CCDC138: variants seen among roughly 807,000 people sequenced by gnomAD.
The protein encoded by CCDC138 is coiled-coil domain containing 138.
Under a neutral mutation model 82.3 loss-of-function variants are expected in CCDC138, and 66 were observed. The observed-to-expected ratio is 0.80, with a 90% CI of 0.66 to 0.98. The LOEUF (loss-of-function observed/expected upper bound fraction) is 0.98. CCDC138 is among the 50% of genes least tolerant of loss of function. CCDC138 has a pLI of 0.00. For missense variants in CCDC138, 816 were observed against 758.9 expected (o/e 1.08, Z -0.88); for synonymous variants, 297 against 265.4 (o/e 1.12, Z -1.16).
In CCDC138 at chr2:108,876,377, ATTT is replaced by A; in HGVS notation, c.*129_*131del. ...CATCATTTATCATGAAAAATAAATA[ATTT>A]TTTTGAACTGTAAAAATGAAATCTG... On this transcript the variant is annotated 3_prime_UTR_variant, in exon 15 of 15. Coordinates refer to ENST00000295124, the MANE Select transcript of CCDC138 (RefSeq NM_144978.3). The A allele has an allele frequency of 1.8e-6, 1 of 565,178 alleles. No individual in the cohort carries two copies. The highest frequency in any genetic ancestry group is 2.9e-6 in the Non-Finnish European group (1 of 339,274). 35.0% of individuals were successfully genotyped at this position (565,178 alleles called of 1,614,324 possible). A position where few individuals can be genotyped will look rare whatever the true frequency, so the allele number is the denominator to read the frequency against.
rs13399162 is a variant in CCDC138 at position 108,865,441 on chromosome 2, A to G, written c.1694-8010A>G. On this transcript the variant is annotated intron_variant, in intron 13 of 14. Coordinates refer to ENST00000295124, the MANE Select transcript of CCDC138 (RefSeq NM_144978.3). ...CATCTCTTTGTCTTTTGGGGAAAAT[A>G]TTTCCTTGTTTCTTCTTTTTCCTTG... Among the ~76,000 whole-genome samples, 444 of 152,182 alleles carry G rather than the reference A, an allele frequency of 2.9e-3. 3 individuals are homozygous for G. Among genetic ancestry groups the G allele is most frequent in the African/African-American group, 0.01 (433 of 41,518 alleles).
At chr2:108,844,061 T>G (rs1017071985) in intron 11 of CCDC138, among the ~76,000 whole-genome samples, 1 of 151,452 alleles carries the variant, frequency 6.6e-6, no homozygotes, top group Non-Finnish European at 1.5e-5. Flanking sequence ...AGGGTCTCCC[T>G]ATGTTGCCCA....
intron 13 of CCDC138, among the ~76,000 whole-genome samples, chr2:108,872,651 GAGGAC>G (rs1211014368): frequency 6.6e-6 from 1 of 152,100 alleles, no homozygotes; most frequent in East Asian, 1.9e-4. Flanking sequence ...TCACCTGGCA[GAGGAC>G]AAGAGGGCAA....
At chr2:108,856,669 C>A in intron 12 of CCDC138, 125 bp from the exon 13 acceptor site, 1 of 830,070 alleles carries the variant, frequency 1.2e-6, no homozygotes, top group Admixed American at 2.6e-5. Flanking sequence ...AGACTGTGAT[C>A]TCTTATTTAA....
Position 108,786,935 on chromosome 2 carries a change from T to A in CCDC138, c.93+20T>A, listed in dbSNP as rs375533252. 2.7e-6 allele frequency: 4 copies of A among 1,486,978 alleles called. No homozygotes were observed. The highest frequency in any genetic ancestry group is 3.6e-6 in the Non-Finnish European group (4 of 1,114,946). 92.1% of individuals were successfully genotyped at this position (1,486,978 alleles called of 1,614,324 possible). On this transcript the variant is annotated intron_variant, in intron 1 of 14. Coordinates refer to ENST00000295124, the MANE Select transcript of CCDC138 (RefSeq NM_144978.3). ...GACGAGGTGAAGCCGCCGCCTGAGGTCCGCGGGTGGGCTCCTGCTGCTGGG... is the reference window on the plus strand; with the variant it reads ...GACGAGGTGAAGCCGCCGCCTGAGGACCGCGGGTGGGCTCCTGCTGCTGGG...
intron 10 of CCDC138, among the ~76,000 whole-genome samples, chr2:108,833,306 A>T (rs1688007240): frequency 6.6e-6 from 1 of 152,234 alleles, no homozygotes; most frequent in African/African-American, 2.4e-5. Context: ...ACTGGTAAAG[A>T]TGTTAATAAT....
At chr2:108,855,574 A>G (rs1282391867) in intron 12 of CCDC138, among the ~76,000 whole-genome samples, 2 of 152,140 alleles carry the variant, frequency 1.3e-5, no homozygotes, top group Non-Finnish European at 2.9e-5. Context: ...ATACACATTT[A>G]TTTACAATGT....
chr2:108,865,799 C>T (rs920294026), intron 13 of CCDC138, among the ~76,000 whole-genome samples: 4 of 152,188 alleles, frequency 2.6e-5, no homozygotes, highest in African/African-American at 7.2e-5. Context: ...CTGCTTACTC[C>T]GTGATGAGCC....
chr2:108,880,828 T>G (rs1456211213), downstream of CCDC138, among the ~76,000 whole-genome samples: 1 of 152,200 alleles, frequency 6.6e-6, no homozygotes, highest in African/African-American at 2.4e-5. Flanking sequence ...CATGGACATG[T>G]ACAAGATTAA....
At chr2:108,873,281 A>G in intron 13 of CCDC138, 170 bp from the exon 14 acceptor site, 1 of 221,850 alleles carries the variant, frequency 4.5e-6, no homozygotes, top group Non-Finnish European at 6.7e-6. Context: ...GAGCCAGTGG[A>G]TGTTTTAATT....
chr2:108,864,352 A>G (rs1694081615), intron 13 of CCDC138, among the ~76,000 whole-genome samples: 1 of 152,204 alleles, frequency 6.6e-6, no homozygotes, highest in African/African-American at 2.4e-5. Context: ...ACAAAATTGT[A>G]TTTATTGTTT....
intron 10 of CCDC138, among the ~76,000 whole-genome samples, chr2:108,836,602 G>A (rs932687062): frequency 3.9e-5 from 6 of 152,144 alleles, no homozygotes; most frequent in Admixed American, 1.3e-4. Context: ...GTAAATTAAT[G>A]CTTTAGGGAT....
chr2:108,796,216 T>A (rs1680853242), intron 5 of CCDC138, among the ~76,000 whole-genome samples: 1 of 144,412 alleles, frequency 6.9e-6, no homozygotes, highest in African/African-American at 2.5e-5. Context: ...GCCCGGCTAA[T>A]TTTTTTTTTT....
chr2:108,799,649 T>A (rs954607449), intron 6 of CCDC138, among the ~76,000 whole-genome samples: 1 of 152,238 alleles, frequency 6.6e-6, no homozygotes, highest in East Asian at 1.9e-4. Context: ...TAACTGAGCT[T>A]CTTCAATTTG....
chr2:108,856,862 T>G lies in CCDC138; in HGVS notation c.1585T>G (p.Phe529Val). The change falls in exon 13 of 15, where the codon TTT becomes GTT. Residue 529 changes from phenylalanine to valine, a missense_variant. Transcript: ENST00000295124. ...GAAGACAGAAGAAGGAAAAACCTTG[T>G]TTTTGGAGTATCAGGCTGTTCCAGT... ...DLKTEEGKTL[F>V]LEYQAVPVIL... The G allele has an allele frequency of 6.2e-7, 1 of 1,612,618 alleles. No individual in the cohort carries two copies. The highest frequency in any genetic ancestry group is 8.5e-7 in the Non-Finnish European group (1 of 1,179,116).
At chr2:108,878,117 A>G (rs1336731203), downstream of CCDC138, among the ~76,000 whole-genome samples, 2 of 152,228 alleles carry the variant, frequency 1.3e-5, no homozygotes, top group African/African-American at 2.4e-5. Flanking sequence ...ATGAAAGAAA[A>G]CAGTTTATTA....
intron 13 of CCDC138, among the ~76,000 whole-genome samples, chr2:108,858,634 A>G (rs1461989897): frequency 6.6e-6 from 1 of 151,280 alleles, no homozygotes; most frequent in Non-Finnish European, 1.5e-5. Context: ...TTGGTTTTTC[A>G]TTTTTCTAGG....
chr2:108,851,298 GTTGT>G (rs891383008), intron 12 of CCDC138, among the ~76,000 whole-genome samples: 5 of 151,934 alleles, frequency 3.3e-5, no homozygotes, highest in Admixed American at 6.6e-5. Context: ...TTTGTTTTTT[GTTGT>G]TTGTTTGTTT....
At position 108,846,812 on chromosome 2, in the gene CCDC138, G is replaced by C. The variant is rs1690573049; in HGVS notation, c.1398G>C (p.Gln466His). Residue 466 changes from glutamine (Q) to histidine (H), a missense_variant, in exon 12 of 15, where the codon CAG becomes CAC. Physicochemically the swap from Gln to His is conservative, Grantham distance 24. Coordinates refer to ENST00000295124, the MANE Select transcript of CCDC138 (RefSeq NM_144978.3). ...IFKGVVTKGI[Q>H]DNSPQHSVEN... Reference sequence around the variant, plus strand: ...AAGGAGTGGTAACTAAAGGAATTCAGGATAATTCTCCACAGCATTCTGTGG... The same window carrying C: ...AAGGAGTGGTAACTAAAGGAATTCACGATAATTCTCCACAGCATTCTGTGG... 3 of 1,612,666 alleles carry C rather than the reference G, an allele frequency of 1.9e-6. No homozygotes were observed. In the Admixed American group the frequency reaches 5.0e-5, roughly 27 times the overall value.
Sources: gnomAD v4.1 joint callset for allele counts (sites outside exome capture counted in the v4.1 genomes callset) on GRCh38, gnomAD v4.1.1 for gene constraint, MANE v1.5 for transcripts, NCBI Gene and HGNC (gene_info 2026-07-23, HGNC 2026-07-21) for gene names.